Variants in CREB1 observed in about 807,000 individuals in gnomAD.
CREB1 encodes cAMP responsive element binding protein 1, also known as cyclic AMP-responsive element-binding protein 1.
A neutral mutation model predicts 42.0 loss-of-function variants in CREB1; 2 were observed. The ratio of observed to expected loss-of-function variants is 0.05; its 90% CI spans 0.02 to 0.15. The LOEUF (loss-of-function observed/expected upper bound fraction) is 0.15, where lower values mean the gene tolerates loss of function less well. Ranked by LOEUF, CREB1 falls within the 10% of genes least tolerant of loss-of-function variation. The pLI is 1.00. For synonymous variants in CREB1, 123 were observed against 139.9 expected (o/e 0.88, Z 0.85); for missense variants, 199 against 388.9 (o/e 0.51, Z 4.11).
At chr2:207,569,039 CTG>C (rs2082250705) in intron 4 of CREB1, among the ~76,000 whole-genome samples, 1 of 148,878 alleles carries the variant, frequency 6.7e-6, no homozygotes, top group South Asian at 2.1e-4. Flanking sequence ...AGATACATGT[CTG>C]TTTTCATATT....
Position 207,575,342 on chromosome 2 carries a change from A to C in CREB1, c.576A>C (p.Thr192=). The change falls in exon 6 of 8, where the codon ACA becomes ACC. Residue 192 remains threonine, a synonymous_variant. Transcript: ENST00000353267. ...NGTDGVQGLQ[T]LTMTNAAATQ... The stretch of plus-strand genomic sequence containing the variant: ...CCGATGGGGTACAGGGCCTGCAAAC[A>C]TTAACCATGACCAATGCAGCAGCCA... 1 of 1,614,196 alleles carries C rather than the reference A, an allele frequency of 6.2e-7. No individual in the cohort carries two copies. Among genetic ancestry groups the C allele is most frequent in the Non-Finnish European group, 8.5e-7 (1 of 1,180,018 alleles).
At chr2:207,575,875 A>G (rs1368047561) in intron 6 of CREB1, among the ~76,000 whole-genome samples, 2 of 144,928 alleles carry the variant, frequency 1.4e-5, no homozygotes, top group African/African-American at 2.5e-5. Flanking sequence ...CTGTAAAATA[A>G]GAGTTGCACT....
At chr2:207,560,167 C>A in intron 2 of CREB1, 59 bp from the exon 3 acceptor site, 1 of 1,439,534 alleles carries the variant, frequency 6.9e-7, no homozygotes, top group Non-Finnish European at 9.3e-7. Flanking sequence ...TCATATTGAA[C>A]ATGAGTACTG....
At chr2:207,547,055 TTTG>T (rs1343906177) in intron 1 of CREB1, among the ~76,000 whole-genome samples, 1 of 152,194 alleles carries the variant, frequency 6.6e-6, no homozygotes, top group Non-Finnish European at 1.5e-5. Context: ...CTTGACATCT[TTTG>T]TTCTCCATCT....
chr2:207,578,639 G>A (rs537274030), intron 7 of CREB1, among the ~76,000 whole-genome samples: 7 of 152,120 alleles, frequency 4.6e-5, no homozygotes, highest in African/African-American at 1.7e-4. Flanking sequence ...AAATGGGTTT[G>A]TGTGTGTGTG....
At chr2:207,536,734 A>C (rs2080887798) in intron 1 of CREB1, among the ~76,000 whole-genome samples, 3 of 149,608 alleles carry the variant, frequency 2.0e-5, no homozygotes, top group Admixed American at 2.0e-4. Context: ...TCACGTCTGT[A>C]ATCCCGGCAC....
At chr2:207,573,377 A>G (rs981456562) in intron 5 of CREB1, among the ~76,000 whole-genome samples, 3 of 152,216 alleles carry the variant, frequency 2.0e-5, no homozygotes, top group Admixed American at 6.5e-5. Context: ...ATTTACAACA[A>G]TTGTACTTAG....
At chr2:207,533,207 T>A (rs2080725557) in intron 1 of CREB1, among the ~76,000 whole-genome samples, 1 of 145,834 alleles carries the variant, frequency 6.9e-6, no homozygotes, top group African/African-American at 2.5e-5. Context: ...TTACCTGTTT[T>A]GAATGATTTT....
At chr2:207,552,393 CTG>C (rs1267274600) in intron 1 of CREB1, among the ~76,000 whole-genome samples, 6 of 151,996 alleles carry the variant, frequency 3.9e-5, no homozygotes, top group Non-Finnish European at 7.4e-5. Flanking sequence ...AATGGTCAAT[CTG>C]TGCATTAGAT....
intron 1 of CREB1, among the ~76,000 whole-genome samples, chr2:207,541,273 T>C (rs1348163684): frequency 3.9e-5 from 6 of 152,184 alleles, no homozygotes; most frequent in African/African-American, 1.4e-4. Flanking sequence ...TACAATAGTG[T>C]ACAGTAATGT....
intron 6 of CREB1, among the ~76,000 whole-genome samples, chr2:207,576,241 C>CTTTTTTTTTTTTTTTTTTGTTTTTTTTTT (rs35735523): frequency 4.0e-5 from 4 of 101,066 alleles, no homozygotes; most frequent in African/African-American, 7.6e-5. Context: ...CTTTTTTTGG[C>CTTTTTTTTTTTTTTTTTTGTTTTTTTTTT]TTTTTTTTTT....
chr2:207,551,903 A>G (rs955734192), intron 1 of CREB1, among the ~76,000 whole-genome samples: 71 of 151,906 alleles, frequency 4.7e-4, no homozygotes, highest in African/African-American at 1.4e-3. Context: ...ATTAGCTGGC[A>G]TGGTGGCGGG....
intron 7 of CREB1, among the ~76,000 whole-genome samples, chr2:207,585,984 TGA>T (rs2083751775): frequency 6.6e-6 from 1 of 152,046 alleles, no homozygotes; most frequent in Non-Finnish European, 1.5e-5. Context: ...TCCCATGTCT[TGA>T]GAGAGAGATA....
chr2:207,534,838 G>T (rs1475376861), intron 1 of CREB1, among the ~76,000 whole-genome samples: 1 of 152,024 alleles, frequency 6.6e-6, no homozygotes, highest in Non-Finnish European at 1.5e-5. Context: ...CCTTTAAGAG[G>T]TGTTTTATGC....
chr2:207,563,203 G>C lies in CREB1; in HGVS notation c.261+2831G>C, dbSNP rs185350960. On this transcript the variant is annotated intron_variant, in intron 3 of 7. Coordinates refer to ENST00000353267, the MANE Select transcript of CREB1 (RefSeq NM_004379.5). ...GTGAGGGTATACTTGGGATATCAAG[G>C]AATAACAGAAAGGTATGGCTGGAAT... Among the ~76,000 whole-genome samples the C allele has an allele frequency of 3.9e-5, 6 of 152,232 alleles. No homozygotes were observed. The East Asian group carries it at 1.2e-3, about 29-fold the overall frequency.
chr2:207,571,827 G>T, intron 5 of CREB1: 1 of 418,030 alleles, frequency 2.4e-6, no homozygotes, highest in South Asian at 1.7e-5. Context: ...TTAGGAAAGA[G>T]GCCTATCAGA....
At chr2:207,591,764 C>A (rs1284910145) in intron 7 of CREB1, among the ~76,000 whole-genome samples, 2 of 152,064 alleles carry the variant, frequency 1.3e-5, no homozygotes, top group Non-Finnish European at 2.9e-5. Flanking sequence ...TAATATATAT[C>A]CTTCTCCATC....
intron 1 of CREB1, among the ~76,000 whole-genome samples, chr2:207,541,046 C>G (rs958169611): frequency 8.5e-5 from 13 of 152,048 alleles, no homozygotes; most frequent in Non-Finnish European, 1.5e-4. Context: ...ATGGTGAAAC[C>G]CTGTTCCTAC....
At chr2:207,596,883 C>A in intron 7 of CREB1, 31 bp from the exon 8 acceptor site, 3 of 1,579,174 alleles carry the variant, frequency 1.9e-6, no homozygotes, top group East Asian at 4.5e-5. Flanking sequence ...AAATCATTTG[C>A]ATAATTTTTC....
Sources: allele counts gnomAD v4.1 joint callset (sites outside exome capture counted in the v4.1 genomes callset), GRCh38; gene constraint gnomAD v4.1.1; transcripts MANE v1.5; gene names NCBI Gene and HGNC (gene_info 2026-07-23, HGNC 2026-07-21).